The following PSMB8 variants were observed in gnomAD, a reference collection of about 807,000 sequenced individuals.
PSMB8 encodes proteasome 20S subunit beta 8.
Under a neutral mutation model 32.3 loss-of-function variants are expected in PSMB8, and 20 were observed. The ratio of observed to expected loss-of-function variants is 0.62; its 90% confidence interval spans 0.44 to 0.90. The LOEUF (loss-of-function observed/expected upper bound fraction) is 0.90. Among genes scored for constraint, PSMB8 ranks in the 40% least tolerant of loss-of-function variants. The pLI, the probability that PSMB8 is intolerant of heterozygous loss-of-function variation, is 0.00. For missense variants in PSMB8, 342 were observed against 365.4 expected, an observed-to-expected ratio of 0.94 and a Z score of 0.52; for synonymous variants, 131 against 135.4, an observed-to-expected ratio of 0.97 and a Z score of 0.23.
rs1221043396 is a variant in PSMB8 at position 32,843,065 on chromosome 6, C to G, written c.172G>C (p.Gly58Arg). The G allele has an allele frequency of 1.9e-6, 3 of 1,613,040 alleles. No homozygotes were observed. The Admixed American group carries it at 5.0e-5, about 27-fold the overall frequency. Residue 58 changes from glycine (G) to arginine (R), a missense_variant, in exon 2 of 6, where the codon GGT becomes CGT. Transcript: ENST00000374882. ...TGAACGTTCCTTTCTCCGTCCCCAC[C>G]CAGGGACTGGAAGAATTCTGTGGGC... ...MQPTEFFQSL[G>R]GDGERNVQIE... is the part of the protein sequence containing the mutation.
chr6:32,843,016 G>C lies in PSMB8; in HGVS notation c.221C>G (p.Thr74Ser). ...NVQIEMAHGT[T>S]TLAFKFQHGV... is the part of the protein sequence containing the mutation. ...ATGCTGGAACTTGAAGGCGAGCGTG[G>C]TGGTGCCATGGGCCATCTCAATCTG... The change falls in exon 2 of 6, where the codon ACC (threonine) becomes AGC (serine). Residue 74 changes from threonine (T) to serine (S), a missense_variant. Thr to Ser is a moderately conservative substitution (Grantham distance 58, BLOSUM62 1). Coordinates refer to ENST00000374882, the MANE Select transcript of PSMB8 (RefSeq NM_148919.4). 1 of 1,613,122 alleles carries C rather than the reference G, an allele frequency of 6.2e-7. No individual in the cohort carries two copies. The highest frequency in any genetic ancestry group is 8.5e-7 in the Non-Finnish European group (1 of 1,180,042).
intron 5 of PSMB8, 63 bp downstream of exon 5, chr6:32,841,468 A>T (rs1240012714): frequency 1.9e-6 from 3 of 1,539,694 alleles, no homozygotes; most frequent in Admixed American, 1.7e-5. Flanking sequence ...TCAATCTTAA[A>T]TCACCCCCCC....
In PSMB8 at chr6:32,842,929, C is replaced by G; in HGVS notation, c.295+13G>C. The G allele has an allele frequency of 6.8e-6, 11 of 1,613,710 alleles. No individual in the cohort carries two copies. Among genetic ancestry groups the G allele is most frequent in the Non-Finnish European group, 9.3e-6 (11 of 1,180,024 alleles). On this transcript the variant is annotated intron_variant, in intron 2 of 5. Coordinates refer to ENST00000374882, the MANE Select transcript of PSMB8 (RefSeq NM_148919.4). ...GCTCCCCAGATTCTGCCTGCTGGAGCGTATACACTCACTAATGTAGGACCC... is the reference window on the plus strand; with the variant it reads ...GCTCCCCAGATTCTGCCTGCTGGAGGGTATACACTCACTAATGTAGGACCC...
rs1382388550 is a variant in PSMB8, at chr6:32,840,793, G to C, written c.*166C>G. 2 of 643,434 alleles carry C rather than the reference G, an allele frequency of 3.1e-6. No homozygotes were observed. Among genetic ancestry groups the C allele is most frequent in the South Asian group, 1.8e-5 (1 of 55,092 alleles). 39.9% of individuals were successfully genotyped at this position (643,434 alleles called of 1,614,324 possible). A position where few individuals can be genotyped will look rare whatever the true frequency, so the allele number is the denominator to read the frequency against. ...CCTGGGGGAAATGCTTGTTCAAATA[G>C]AGAACACGCAGAAGATGCACTTCAC... On this transcript the variant is annotated 3_prime_UTR_variant, in exon 6 of 6. Transcript: ENST00000374882.
At chr6:32,841,135 C>A in intron 5 of PSMB8, 88 bp from the exon 6 acceptor site, 1 of 1,154,928 alleles carries the variant, frequency 8.7e-7, no homozygotes, top group Non-Finnish European at 1.3e-6. Flanking sequence ...AGCAACAAGA[C>A]ACATGCGCAA....
intron 5 of PSMB8, 60 bp downstream of exon 5, chr6:32,841,471 A>ACCC: frequency 5.9e-6 from 9 of 1,515,696 alleles, no homozygotes; most frequent in Admixed American, 1.7e-5. Flanking sequence ...ATCTTAAATC[A>ACCC]CCCCCCCCAC....
chr6:32,841,793 G>A, intron 4 of PSMB8, 58 bp from the exon 5 acceptor site: 1 of 1,468,162 alleles, frequency 6.8e-7, no homozygotes, highest in Non-Finnish European at 9.5e-7. Context: ...TAACATGGGG[G>A]TTCAAATATG....
rs1769993915 is a variant in PSMB8 at position 32,842,710 on chromosome 6, G to A, written c.369C>T (p.Asp123=). The A allele has an allele frequency of 6.2e-7, 1 of 1,614,110 alleles. No homozygotes were observed. The highest frequency in any genetic ancestry group is 1.7e-5 in the Admixed American group (1 of 60,012). ...LLGTMSGCAA[D]CQYWERLLAK... ...CCAGCAGGCGCTCCCAGTACTGACA[G>A]TCTGCTGCACAGCCAGACATGGTGC... The change falls in exon 3 of 6, where the codon GAC becomes GAT. Residue 123 remains aspartate, a synonymous_variant. Transcript: ENST00000374882.
chr6:32,842,432 T>A (rs55840162), intron 3 of PSMB8, among the ~76,000 whole-genome samples, 169 bp from the exon 4 acceptor site: 1 of 152,240 alleles, frequency 6.6e-6, no homozygotes, highest in African/African-American at 2.4e-5. Context: ...GGCAGCCTAG[T>A]AAATGATACT....
At position 32,841,044 on chromosome 6, in the gene PSMB8, T is replaced by C; in HGVS notation, c.746A>G (p.Tyr249Cys). 6.2e-7 allele frequency: 1 copy of C among 1,608,972 alleles called. No individual in the cohort carries two copies. The highest frequency in any genetic ancestry group is 8.5e-7 in the Non-Finnish European group (1 of 1,175,256). The change falls in exon 6 of 6, where the codon TAC becomes TGC. Residue 249 changes from tyrosine to cysteine, a missense_variant. Transcript: ENST00000374882. ...DSYSGGVVNM[Y>C]HMKEDGWVKV... ...CACCCAACCATCTTCCTTCATGTGG[T>C]ACACTGTGGACAAATGAGAAAAGAA...
upstream of PSMB8, chr6:32,844,215 G>A: frequency 4.4e-6 from 7 of 1,596,442 alleles, no homozygotes; most frequent in Non-Finnish European, 6.0e-6. Flanking sequence ...GTCTTCCGAA[G>A]AAAGCGAGAA....
At chr6:32,841,803 G>T in intron 4 of PSMB8, 68 bp from the exon 5 acceptor site, 1 of 1,426,466 alleles carries the variant, frequency 7.0e-7, no homozygotes, top group Non-Finnish European at 9.9e-7. Context: ...GTTCAAATAT[G>T]AGACATAAAA....
Position 32,842,213 on chromosome 6 carries a change from T to C in PSMB8, c.458A>G (p.Lys153Arg). The change falls in exon 4 of 6, where the codon AAG (lysine) becomes AGG (arginine). Residue 153 changes from lysine to arginine, a missense_variant. Transcript: ENST00000374882. ...GERISVSAAS[K>R]LLSNMMCQYR... ...CTGGCACATCATGTTGGACAGCAGC[T>C]TGGAGGCTGCCGACACTGAAATACG... The C allele has an allele frequency of 1.2e-6, 2 of 1,613,130 alleles. No individual in the cohort carries two copies. Among genetic ancestry groups the C allele is most frequent in the Non-Finnish European group, 1.7e-6 (2 of 1,180,040 alleles).
At position 32,842,947 on chromosome 6, in the gene PSMB8, T is replaced by A. The variant is rs1391514618; in HGVS notation, c.290A>T (p.Tyr97Phe). Residue 97 changes from tyrosine to phenylalanine, a missense_variant, in exon 2 of 6, where the codon TAC (tyrosine) becomes TTC (phenylalanine). By Grantham distance (22) the Tyr-to-Phe change is conservative. Coordinates refer to ENST00000374882, the MANE Select transcript of PSMB8 (RefSeq NM_148919.4). ...GCTGGAGCGTATACACTCACTAATG[T>A]AGGACCCAGCTGAGGCCCGAGAATC... ...AVDSRASAGS[Y>F]ISALRVNKVI... The A allele has an allele frequency of 6.2e-7, 1 of 1,613,392 alleles. No homozygotes were observed. Among genetic ancestry groups the A allele is most frequent in the African/African-American group, 1.3e-5 (1 of 74,922 alleles).
At position 32,843,940 on chromosome 6, in the gene PSMB8, G is replaced by A. The variant is rs1562354879; in HGVS notation, c.57C>T (p.Leu19=). The change falls in exon 1 of 6, where the codon CTC becomes CTT. Residue 19 remains leucine, a synonymous_variant. Coordinates refer to ENST00000374882, the MANE Select transcript of PSMB8 (RefSeq NM_148919.4). ...APRGQRPESA[L]PVAGSGRRSD... is the part of the protein sequence containing the mutation. ...AGCGACGCCCGCTTCCCGCAACCGG[G>A]AGAGCCGATTCCGGCCGCTGCCCTC... 2 of 1,612,700 alleles carry A rather than the reference G, an allele frequency of 1.2e-6. No homozygotes were observed. The highest frequency in any genetic ancestry group is 1.3e-5 in the African/African-American group (1 of 74,962).
chr6:32,844,611 A>G, upstream of PSMB8: 1 of 622,948 alleles, frequency 1.6e-6, no homozygotes, highest in Non-Finnish European at 2.8e-6. Context: ...GTAGTCACCC[A>G]CAAGAGCGTG....
In PSMB8 at chr6:32,844,046, G is replaced by A. The variant is rs763906417; in HGVS notation, c.-50C>T. 1 of 1,600,710 alleles carries A rather than the reference G, an allele frequency of 6.2e-7. No homozygotes were observed. The highest frequency in any genetic ancestry group is 8.5e-7 in the Non-Finnish European group (1 of 1,172,422). On this transcript the variant is annotated 5_prime_UTR_variant, in exon 1 of 6. Transcript: ENST00000374882. ...TCCGCTCTCGGAGGAGGAAGTGAAA[G>A]CGAAAGCCACAGATCGAAGGGGAGG...
At position 32,841,679 on chromosome 6, in the gene PSMB8, G is replaced by T; in HGVS notation, c.594C>A (p.Phe198Leu). 1 of 1,612,962 alleles carries T rather than the reference G, an allele frequency of 6.2e-7. No individual in the cohort carries two copies. The highest frequency in any genetic ancestry group is 2.2e-5 in the East Asian group (1 of 44,890). The change falls in exon 5 of 6, where the codon TTC becomes TTA. Residue 198 changes from phenylalanine (F) to leucine (L), a missense_variant. Transcript: ENST00000374882. The part of the protein sequence containing the change: ...EHGTRLSGNM[F>L]STGSGNTYAY... ...CATAAGTGTTCCCACTACCCGTGGAGAACATATTTCCTGAGAGCCGAGTCC... is the reference window on the plus strand; with the variant it reads ...CATAAGTGTTCCCACTACCCGTGGATAACATATTTCCTGAGAGCCGAGTCC...
At position 32,843,039 on chromosome 6, in the gene PSMB8, C is replaced by G; in HGVS notation, c.198G>C (p.Gln66His). The change falls in exon 2 of 6, where the codon CAG (glutamine) becomes CAC (histidine). Residue 66 changes from glutamine (Q) to histidine (H), a missense_variant. Physicochemically the swap from Gln to His is conservative, Grantham distance 24 (BLOSUM62 0). Transcript: ENST00000374882. The stretch of plus-strand genomic sequence containing the variant: ...TGGTGGTGCCATGGGCCATCTCAAT[C>G]TGAACGTTCCTTTCTCCGTCCCCAC... The part of the protein sequence containing the change: ...SLGGDGERNV[Q>H]IEMAHGTTTL... 1.2e-6 allele frequency: 2 copies of G among 1,613,104 alleles called. No homozygotes were observed. Among genetic ancestry groups the G allele is most frequent in the Non-Finnish European group, 1.7e-6 (2 of 1,180,042 alleles).
Sources: allele counts gnomAD v4.1 joint callset (sites outside exome capture counted in the v4.1 genomes callset), GRCh38; gene constraint gnomAD v4.1.1; transcripts MANE v1.5; gene names NCBI Gene and HGNC (gene_info 2026-07-23, HGNC 2026-07-21).